The following NLGN1 variants were observed in gnomAD, a reference collection of about 807,000 sequenced individuals.
NLGN1 encodes the protein neuroligin 1, also known as neuroligin-1.
Under a neutral mutation model 65.5 loss-of-function variants are expected in NLGN1, and 12 were observed. The ratio of observed to expected loss-of-function variants is 0.18; its 90% CI spans 0.12 to 0.30. The LOEUF is 0.30. Among genes scored for constraint, NLGN1 ranks in the 10% least tolerant of loss-of-function variants. The pLI, the probability that NLGN1 is intolerant of heterozygous loss-of-function variation, is 1.00. For missense variants in NLGN1, 750 were observed against 1,007.1 expected (o/e 0.74, Z 3.46); for synonymous variants, 350 against 359.5 (o/e 0.97, Z 0.30).
chr3:173,946,875 A>G (rs941726688), intron 4 of NLGN1, among the ~76,000 whole-genome samples: 3 of 152,162 alleles, frequency 2.0e-5, no homozygotes, highest in African/African-American at 7.2e-5. Context: ...AAGAAAACGC[A>G]ACTTCAGTAG....
chr3:173,789,809 A>G (rs2150359642), intron 3 of NLGN1: 1 of 486,662 alleles, frequency 2.1e-6, no homozygotes, highest in East Asian at 5.8e-5. Flanking sequence ...TAAAGTTCAA[A>G]TTCAAACTTT....
At chr3:173,604,911 T>C in exon 3 of NLGN1, 1 of 1,613,732 alleles carries the variant, frequency 6.2e-7, no homozygotes, top group East Asian at 2.2e-5. Flanking sequence ...ATCTCCCTGG[T>C]CAGATATCAG....
chr3:173,764,738 T>C (rs1778497500), intron 3 of NLGN1, among the ~76,000 whole-genome samples: 1 of 152,118 alleles, frequency 6.6e-6, no homozygotes, highest in African/African-American at 2.4e-5. Flanking sequence ...CTTTTTCTAC[T>C]CAAAAACACA....
intron 3 of NLGN1, among the ~76,000 whole-genome samples, chr3:173,777,874 A>C (rs1780557199): frequency 6.6e-6 from 1 of 151,824 alleles, no homozygotes; most frequent in Admixed American, 6.6e-5. Context: ...GCTCATACAA[A>C]TTTCCCAAGT....
rs180968939 is a variant in NLGN1, at chr3:173,439,677, A to G, written c.-321+4599A>G. Among the ~76,000 whole-genome samples the G allele has an allele frequency of 1.5e-3, 232 of 152,260 alleles. 1 individual carries two copies. Among genetic ancestry groups the G allele is most frequent in the Middle Eastern group, 3.4e-3 (1 of 294 alleles). ...CATATAAAAGTTATGTTTACACTAT[A>G]TTGTAGTCAATTAAGCATGCAATAC... On this transcript the variant is annotated intron_variant, in intron 2 of 6. Transcript: ENST00000457714.
At chr3:173,561,794 G>T (rs1742775638) in intron 2 of NLGN1, among the ~76,000 whole-genome samples, 1 of 152,096 alleles carries the variant, frequency 6.6e-6, no homozygotes, top group African/African-American at 2.4e-5. Flanking sequence ...AGAATACAGA[G>T]ATTATTTAAG....
rs114044431 is a variant in NLGN1 at position 173,867,074 on chromosome 3, A to G, written c.646+59242A>G. Among the ~76,000 whole-genome samples the G allele has an allele frequency of 6.1e-3, 931 of 152,320 alleles. 9 individuals carry two copies. Among genetic ancestry groups the G allele is most frequent in the African/African-American group, 0.021 (875 of 41,584 alleles). On this transcript the variant is annotated intron_variant, in intron 4 of 6. Transcript: ENST00000457714. Reference sequence around the variant, plus strand: ...TCTGTCTGTCTGTACTCCTAGGAAGATCTAGCAGCACATTAAGGATAATTT... The same window carrying G: ...TCTGTCTGTCTGTACTCCTAGGAAGGTCTAGCAGCACATTAAGGATAATTT...
At chr3:173,888,986 A>G (rs1734851861) in intron 4 of NLGN1, among the ~76,000 whole-genome samples, 1 of 152,154 alleles carries the variant, frequency 6.6e-6, no homozygotes. Flanking sequence ...AGAATACTAC[A>G]TTTCAAACCA....
chr3:173,953,350 T>C (rs775534523), intron 4 of NLGN1, among the ~76,000 whole-genome samples: 21 of 152,162 alleles, frequency 1.4e-4, no homozygotes, highest in Admixed American at 5.9e-4. Flanking sequence ...ATAATACTTA[T>C]TGATTTTCTT....
intron 2 of NLGN1, among the ~76,000 whole-genome samples, chr3:173,597,035 C>T (rs1749598432): frequency 6.6e-6 from 1 of 152,170 alleles, no homozygotes; most frequent in African/African-American, 2.4e-5. Flanking sequence ...TTTGGAGCTG[C>T]TGCAAATTAT....
chr3:173,643,697 C>T (rs1396162608), intron 3 of NLGN1, among the ~76,000 whole-genome samples: 1 of 152,070 alleles, frequency 6.6e-6, no homozygotes, highest in Non-Finnish European at 1.5e-5. Context: ...ATCCTAGTGA[C>T]CTCTTTATGT....
chr3:173,544,355 A>C (rs1739412595), intron 2 of NLGN1, among the ~76,000 whole-genome samples: 1 of 151,730 alleles, frequency 6.6e-6, no homozygotes, highest in Non-Finnish European at 1.5e-5. Context: ...CAGAAAGAAG[A>C]CTATGCATTT....
At chr3:174,142,464 G>T (rs1222508729) in intron 4 of NLGN1, among the ~76,000 whole-genome samples, 1 of 152,100 alleles carries the variant, frequency 6.6e-6, no homozygotes, top group Non-Finnish European at 1.5e-5. Context: ...GTGCCTAGGT[G>T]TAGTTTCTGA....
intron 2 of NLGN1, among the ~76,000 whole-genome samples, chr3:173,583,270 T>C (rs1746686291): frequency 6.6e-6 from 1 of 152,252 alleles, no homozygotes; most frequent in African/African-American, 2.4e-5. Context: ...CACAAAAAAA[T>C]TGTAGTAGAT....
chr3:173,650,192 C>T (rs529855765), intron 3 of NLGN1, among the ~76,000 whole-genome samples: 1 of 152,178 alleles, frequency 6.6e-6, no homozygotes, highest in African/African-American at 2.4e-5. Flanking sequence ...ATATCCACTT[C>T]ATTCATCTTC....
chr3:173,981,785 C>G (rs1718843621), intron 4 of NLGN1, among the ~76,000 whole-genome samples: 2 of 152,042 alleles, frequency 1.3e-5, no homozygotes, highest in Non-Finnish European at 2.9e-5. Flanking sequence ...AACAATAACA[C>G]ACATATTTAT....
At chr3:173,504,553 C>G (rs1731684775) in intron 2 of NLGN1, among the ~76,000 whole-genome samples, 1 of 152,008 alleles carries the variant, frequency 6.6e-6, no homozygotes, top group African/African-American at 2.4e-5. Context: ...AATCTCTTAA[C>G]CTCCCATCTG....
intron 4 of NLGN1, among the ~76,000 whole-genome samples, chr3:173,841,009 T>C (rs778760730): frequency 1.2e-4 from 19 of 152,154 alleles, no homozygotes; most frequent in Non-Finnish European, 2.6e-4. Context: ...ATATAGACAA[T>C]TTCACACTGT....
chr3:173,529,676 C>G (rs150687872), intron 2 of NLGN1, among the ~76,000 whole-genome samples: 1 of 152,150 alleles, frequency 6.6e-6, no homozygotes, highest in Non-Finnish European at 1.5e-5. Flanking sequence ...AATGCCTGAC[C>G]CTCAGCTCTC....
Sources: gnomAD v4.1 joint callset for allele counts (sites outside exome capture counted in the v4.1 genomes callset) on GRCh38, gnomAD v4.1.1 for gene constraint, MANE v1.5 for transcripts, NCBI Gene and HGNC (gene_info 2026-07-23, HGNC 2026-07-21) for gene names.